The following NT5DC3 variants were observed in gnomAD, a reference collection of about 807,000 sequenced individuals.
The protein encoded by NT5DC3 is 5'-nucleotidase domain-containing protein 3.
NT5DC3 carries 42 observed loss-of-function variants against 67.8 expected under a neutral mutation model. That is an observed-to-expected ratio of 0.62 (90% CI 0.48 to 0.80). The LOEUF (loss-of-function observed/expected upper bound fraction) is 0.80, where lower values mean the gene tolerates loss of function less well. Among genes scored for constraint, NT5DC3 ranks in the 30% least tolerant of loss-of-function variants. The pLI, the probability that NT5DC3 is intolerant of heterozygous loss-of-function variation, is 0.00. For synonymous variants in NT5DC3, 237 were observed against 255.6 expected (o/e 0.93, Z 0.69); for missense variants, 570 against 696.4 (o/e 0.82, Z 2.04).
chr12:103,750,452 C>A, the NT5DC3 span: 1 of 1,201,146 alleles, frequency 8.3e-7, no homozygotes, highest in Non-Finnish European at 1.2e-6. Context: ...TCCCACTGGA[C>A]AGGAAAGGCA....
At chr12:103,758,077 T>C in the NT5DC3 span, 4 of 1,564,392 alleles carry the variant, frequency 2.6e-6, no homozygotes, top group Middle Eastern at 2.0e-4. Flanking sequence ...CCATGAATAT[T>C]CACAGATGGG....
At chr12:103,783,593 G>A (rs758941738) in intron 12 of NT5DC3, among the ~76,000 whole-genome samples, 18 of 151,440 alleles carry the variant, frequency 1.2e-4, no homozygotes, top group Non-Finnish European at 2.1e-4. Flanking sequence ...CACCTATCTC[G>A]CTGTCTCAGT....
rs762014599 is a variant in NT5DC3 at position 103,778,022 on chromosome 12, T to C, written c.1454A>G (p.Asn485Ser). The C allele has an allele frequency of 5.6e-6, 9 of 1,614,194 alleles. No homozygotes were observed. Among genetic ancestry groups the C allele is most frequent in the South Asian group, 1.1e-5 (1 of 91,082 alleles). ...QFGSLFRTDQ[N>S]PTYFLRRLSR... ...CAGGCGCCTTAGGAAGTAGGTTGGG[T>C]TCTGGTCTGTGCGGAACAGGCTTCC... Residue 485 changes from asparagine (N) to serine (S), a missense_variant, in exon 14 of 14, where the codon AAC (asparagine) becomes AGC (serine). By Grantham distance (46) the Asn-to-Ser change is conservative (BLOSUM62 1). Around this residue, in one of 2 missense-constraint regions of NT5DC3, gnomAD observed 466 missense variants for 608.0 expected, o/e 0.77. Transcript: ENST00000392876.
chr12:103,791,322 C>G (rs1156489451), intron 9 of NT5DC3, among the ~76,000 whole-genome samples: 3 of 152,058 alleles, frequency 2.0e-5, no homozygotes, highest in Non-Finnish European at 4.4e-5. Flanking sequence ...TGACCACACC[C>G]CAGAATCCAC....
intron 11 of NT5DC3, chr12:103,785,744 T>G (rs1178815727): frequency 4.3e-6 from 2 of 460,008 alleles, no homozygotes; most frequent in Non-Finnish European, 3.9e-6. Flanking sequence ...TCATTAACCA[T>G]GGTCTGTAAA....
intron 6 of NT5DC3, among the ~76,000 whole-genome samples, chr12:103,796,650 AG>A (rs1886331090): frequency 6.6e-6 from 1 of 152,264 alleles, no homozygotes. Context: ...CTGGTCAGAA[AG>A]GATCAAAAAT....
At chr12:103,750,845 C>A in the NT5DC3 span, 1 of 1,294,374 alleles carries the variant, frequency 7.7e-7, no homozygotes, top group Non-Finnish European at 1.0e-6. Context: ...AATCCCAATA[C>A]TTTGGGAGGC....
intron 12 of NT5DC3, among the ~76,000 whole-genome samples, chr12:103,781,829 A>G (rs935244686): frequency 7.2e-5 from 11 of 152,228 alleles, no homozygotes; most frequent in Non-Finnish European, 1.6e-4. Context: ...AGCCCCACAG[A>G]GAACTGATCC....
chr12:103,761,729 ATC>A, the NT5DC3 span, among the ~76,000 whole-genome samples: 1 of 152,172 alleles, frequency 6.6e-6, no homozygotes, highest in Non-Finnish European at 1.5e-5. Context: ...ACTTCGTAGC[ATC>A]TCTGAGTCCC....
At chr12:103,796,688 G>A (rs192623947) in intron 6 of NT5DC3, among the ~76,000 whole-genome samples, 564 of 152,332 alleles carry the variant, frequency 3.7e-3, no homozygotes, top group Non-Finnish European at 4.7e-3. Context: ...GCACCATCTC[G>A]TTTTAACAAA....
downstream of NT5DC3, among the ~76,000 whole-genome samples, chr12:103,767,706 T>C (rs79261387): frequency 0.095 from 14,434 of 151,954 alleles, 944 homozygotes; most frequent in East Asian, 0.27. Context: ...GCAAGAGTGA[T>C]TGATTTGCAC....
chr12:103,783,100 C>T (rs1168415764), intron 12 of NT5DC3, among the ~76,000 whole-genome samples: 1 of 152,240 alleles, frequency 6.6e-6, no homozygotes, highest in Non-Finnish European at 1.5e-5. Context: ...TAATGTGCTA[C>T]ATGCTCTGAA....
intron 12 of NT5DC3, among the ~76,000 whole-genome samples, chr12:103,780,986 T>G (rs1885527469): frequency 1.7e-5 from 1 of 60,332 alleles, no homozygotes; most frequent in African/African-American, 4.8e-5. Context: ...AAACAATTAT[T>G]TTTTTGCAAA....
At chr12:103,796,543 AC>A (rs1390953087) in intron 6 of NT5DC3, among the ~76,000 whole-genome samples, 2 of 151,810 alleles carry the variant, frequency 1.3e-5, no homozygotes, top group Non-Finnish European at 2.9e-5. Context: ...AAGAAGAGGC[AC>A]CCTTGCTCGG....
chr12:103,780,693 T>G (rs1885513381), intron 12 of NT5DC3, among the ~76,000 whole-genome samples: 1 of 152,230 alleles, frequency 6.6e-6, no homozygotes, highest in African/African-American at 2.4e-5. Flanking sequence ...ATGTGATATA[T>G]CCATTATGCA....
chr12:103,770,616 T>G (rs1885159139), downstream of NT5DC3: 1 of 152,168 alleles, frequency 6.6e-6, no homozygotes. Flanking sequence ...GTTTATTTTT[T>G]GTAGAGATGG....
intron 1 of NT5DC3, among the ~76,000 whole-genome samples, chr12:103,830,149 C>T (rs1887865767): frequency 1.3e-5 from 2 of 152,204 alleles, no homozygotes; most frequent in South Asian, 4.1e-4. Context: ...ACCTACCAAT[C>T]CTCGGAGACA....
chr12:103,817,984 A>C (rs911855768), intron 1 of NT5DC3, among the ~76,000 whole-genome samples: 1 of 152,212 alleles, frequency 6.6e-6, no homozygotes, highest in Non-Finnish European at 1.5e-5. Context: ...TCAGGGACCA[A>C]CCCAGCCACA....
intron 11 of NT5DC3, among the ~76,000 whole-genome samples, chr12:103,787,154 T>C (rs1344812371): frequency 6.6e-6 from 1 of 151,964 alleles, no homozygotes; most frequent in Non-Finnish European, 1.5e-5. Context: ...TTATTTCTTA[T>C]TATTTAAATG....
Sources: allele counts gnomAD v4.1 joint callset (sites outside exome capture counted in the v4.1 genomes callset), GRCh38; gene constraint gnomAD v4.1.1; regional missense constraint gnomAD v4.1.1; transcripts MANE v1.5; gene names NCBI Gene and HGNC (gene_info 2026-07-23, HGNC 2026-07-21).